Variants in IL1RAP observed in about 807,000 individuals in gnomAD.
IL1RAP encodes interleukin 1 receptor accessory protein.
Under a neutral mutation model 60.7 loss-of-function variants are expected in IL1RAP, and 35 were observed. The ratio of observed to expected loss-of-function variants is 0.58; its 90% CI spans 0.44 to 0.76. The LOEUF (loss-of-function observed/expected upper bound fraction) is 0.76, where lower values mean the gene tolerates loss of function less well. Ranked by LOEUF, IL1RAP falls within the 30% of genes least tolerant of loss-of-function variation. IL1RAP has a pLI of 0.00. For missense variants in IL1RAP, 572 were observed against 693.9 expected, an observed-to-expected ratio of 0.82 and a Z score of 1.97; for synonymous variants, 268 against 250.9, an observed-to-expected ratio of 1.07 and a Z score of -0.64.
chr3:190,626,157 T>C lies in IL1RAP; in HGVS notation c.776-1166T>C, dbSNP rs1321610847. ...TGGGCAAACTGGGATGGAAGGTCAG[T>C]CTAGGTCAAATCCTGGCCCTTCACT... On this transcript the variant is annotated intron_variant, in intron 7 of 11. Transcript: ENST00000447382. 2.0e-5 allele frequency among the ~76,000 whole-genome samples: 3 copies of C among 152,170 alleles called. No homozygotes were observed. The East Asian group carries it at 5.8e-4, about 29-fold the overall frequency.
intron 4 of IL1RAP, among the ~76,000 whole-genome samples, chr3:190,608,754 A>T (rs1034453324): frequency 1.3e-5 from 2 of 152,180 alleles, no homozygotes; most frequent in Admixed American, 6.6e-5. Flanking sequence ...CACACACAGG[A>T]TCACATCTGA....
At chr3:190,531,617 A>T (rs1025271379) in intron 1 of IL1RAP, among the ~76,000 whole-genome samples, 2 of 152,226 alleles carry the variant, frequency 1.3e-5, no homozygotes, top group African/African-American at 4.8e-5. Flanking sequence ...TTGTCAAGAC[A>T]CAGCTGAACT....
At chr3:190,616,354 A>G (rs1363924046) in intron 5 of IL1RAP, among the ~76,000 whole-genome samples, 1 of 152,142 alleles carries the variant, frequency 6.6e-6, no homozygotes, top group Non-Finnish European at 1.5e-5. Flanking sequence ...TTGTACTTAG[A>G]AATTGATTAA....
At chr3:190,659,541 T>C (rs1386576827) in exon 12 of IL1RAP, 2 of 152,186 alleles carry the variant, frequency 1.3e-5, no homozygotes, top group Admixed American at 1.3e-4. Flanking sequence ...GAAATTTTTT[T>C]CATGGGCCAT....
chr3:190,577,062 C>G (rs866275601), intron 3 of IL1RAP, among the ~76,000 whole-genome samples: 1 of 148,614 alleles, frequency 6.7e-6, no homozygotes, highest in East Asian at 2.0e-4. Flanking sequence ...GATCGCGCCA[C>G]CGCACTCCCG....
chr3:190,591,027 ATGT>A (rs1728895680), intron 3 of IL1RAP, among the ~76,000 whole-genome samples: 2 of 152,178 alleles, frequency 1.3e-5, no homozygotes, highest in Non-Finnish European at 2.9e-5. Flanking sequence ...ATTTTTTAAA[ATGT>A]TGTAAAATCT....
chr3:190,542,879 A>ATT (rs66937098), intron 1 of IL1RAP, among the ~76,000 whole-genome samples: 11 of 104,782 alleles, frequency 1.0e-4, no homozygotes, highest in Non-Finnish European at 1.6e-4. Context: ...GATTAAGGGA[A>ATT]TTTTTTTTTT....
chr3:190,604,139 G>A lies in IL1RAP; in HGVS notation c.76G>A (p.Asp26Asn). Residue 26 changes from aspartate to asparagine, a missense_variant, in exon 4 of 12, where the codon GAC becomes AAC. Physicochemically the swap from Asp to Asn is conservative, Grantham distance 23. Transcript: ENST00000447382. ...TTTGATTATTCCAGAACGCTGCGAT[G>A]ACTGGGGACTAGACACCATGAGGCA... ...LQSDASERCDDWGLDTMRQIQ... is the reference protein window; with the variant it reads ...LQSDASERCDNWGLDTMRQIQ... 6.2e-7 allele frequency: 1 copy of A among 1,613,720 alleles called. No individual in the cohort carries two copies. The highest frequency in any genetic ancestry group is 8.5e-7 in the Non-Finnish European group (1 of 1,179,880).
chr3:190,539,221 T>G (rs1723726119), intron 1 of IL1RAP, among the ~76,000 whole-genome samples: 1 of 152,186 alleles, frequency 6.6e-6, no homozygotes, highest in Admixed American at 6.5e-5. Flanking sequence ...TGAATAGGAC[T>G]ATATCTGTGT....
intron 2 of IL1RAP, among the ~76,000 whole-genome samples, chr3:190,562,986 A>G (rs945879731): frequency 1.3e-5 from 2 of 152,168 alleles, no homozygotes; most frequent in African/African-American, 4.8e-5. Context: ...AAAAGGAAGC[A>G]TGAACCAGAG....
At chr3:190,621,550 C>T (rs1731781896) in intron 6 of IL1RAP, among the ~76,000 whole-genome samples, 1 of 152,168 alleles carries the variant, frequency 6.6e-6, no homozygotes, top group Non-Finnish European at 1.5e-5. Context: ...AATAAGCATA[C>T]TTTGTCACTC....
chr3:190,612,159 A>C (rs974971151), intron 5 of IL1RAP, among the ~76,000 whole-genome samples: 3 of 152,268 alleles, frequency 2.0e-5, no homozygotes, highest in African/African-American at 7.2e-5. Flanking sequence ...CTGTGCATGA[A>C]ATAAGACATA....
intron 1 of IL1RAP, among the ~76,000 whole-genome samples, chr3:190,537,895 T>C (rs1300215327): frequency 6.6e-6 from 1 of 152,172 alleles, no homozygotes; most frequent in Non-Finnish European, 1.5e-5. Flanking sequence ...GGTTATATTC[T>C]AGTCTTACTA....
Position 190,620,342 on chromosome 3 carries a change from C to T in IL1RAP, c.605C>T (p.Ala202Val). 6.2e-7 allele frequency: 1 copy of T among 1,606,662 alleles called. No homozygotes were observed. Among genetic ancestry groups the T allele is most frequent in the Non-Finnish European group, 8.5e-7 (1 of 1,174,270 alleles). Reference protein sequence around the residue: ...PEGMNLSFLIALISNNGNYTC... With the variant: ...PEGMNLSFLIVLISNNGNYTC... ...GGTATGAACTTGAGTTTCCTCATTG[C>T]CTTAATTTCAAATAATGGAAATTAC... Residue 202 changes from alanine to valine, a missense_variant, in exon 6 of 12, where the codon GCC (alanine) becomes GTC (valine). Physicochemically the swap from Ala to Val is moderately conservative, Grantham distance 64. Transcript: ENST00000447382.
Position 190,646,727 on chromosome 3 carries a change from A to G in IL1RAP, c.1345+885A>G, listed in dbSNP as rs79660256. Among the ~76,000 whole-genome samples the G allele has an allele frequency of 1.0e-3, 159 of 152,202 alleles. 2 individuals carry two copies. The South Asian group carries it at 0.02, about 19-fold the overall frequency. ...ATTTTACTCCTCTAAAATCCTGTCT[A>G]CATTCATCATTTAACAGTTTTTTTT... On this transcript the variant is annotated intron_variant, in intron 11 of 11. Transcript: ENST00000447382.
chr3:190,551,677 A>G (rs1004081588), intron 1 of IL1RAP, among the ~76,000 whole-genome samples: 1 of 152,182 alleles, frequency 6.6e-6, no homozygotes, highest in Non-Finnish European at 1.5e-5. Flanking sequence ...CCACTGTTAC[A>G]ATCTCCAAAG....
intron 5 of IL1RAP, among the ~76,000 whole-genome samples, chr3:190,610,324 T>C (rs1300763987): frequency 6.6e-6 from 1 of 152,046 alleles, no homozygotes; most frequent in Non-Finnish European, 1.5e-5. Context: ...TTTAAAATGA[T>C]ACAAGCTGTG....
In IL1RAP at chr3:190,649,176, T is replaced by A. The variant is rs187984567; in HGVS notation, c.*471T>A. On this transcript the variant is annotated 3_prime_UTR_variant, in exon 12 of 12. Transcript: ENST00000447382. The stretch of plus-strand genomic sequence containing the variant: ...TCAAGGCCTACATTTTAGCTGAGGA[T>A]AATGAACTTTTTTCCTCATTCGGCT... 21 of 987,334 alleles carry A rather than the reference T, an allele frequency of 2.1e-5. No individual in the cohort carries two copies. Among genetic ancestry groups the A allele is most frequent in the East Asian group, 2.3e-4 (2 of 8,834 alleles). The allele number at this position is 987,334 out of a possible 1,614,324, so 61.2% of individuals were successfully genotyped here.
intron 1 of IL1RAP, among the ~76,000 whole-genome samples, chr3:190,532,845 C>T (rs1483929509): frequency 1.3e-5 from 2 of 152,160 alleles, no homozygotes; most frequent in Non-Finnish European, 2.9e-5. Context: ...AGCCCATTTG[C>T]GTTTCTGGCC....
Sources: allele counts gnomAD v4.1 joint callset (sites outside exome capture counted in the v4.1 genomes callset), GRCh38; gene constraint gnomAD v4.1.1; transcripts MANE v1.5; gene names NCBI Gene and HGNC (gene_info 2026-07-23, HGNC 2026-07-21).